MYCBP: variants seen among roughly 807,000 people sequenced by gnomAD.
MYCBP encodes the protein MYC binding protein, also known as C-Myc-binding protein.
MYCBP carries 5 observed loss-of-function variants against 16.8 expected under a neutral mutation model. The ratio of observed to expected loss-of-function variants is 0.30; its 90% CI spans 0.16 to 0.63. The LOEUF (loss-of-function observed/expected upper bound fraction) is 0.63. Ranked by LOEUF, MYCBP falls within the 20% of genes least tolerant of loss-of-function variation. The pLI, the probability that MYCBP is intolerant of heterozygous loss-of-function variation, is 0.83. For synonymous variants in MYCBP, 35 were observed against 43.7 expected (o/e 0.80, Z 0.79); for missense variants, 103 against 121.8 (o/e 0.85, Z 0.73).
At chr1:38,873,262 T>C in intron 1 of MYCBP, 29 bp downstream of exon 1, 1 of 1,598,996 alleles carries the variant, frequency 6.3e-7, no homozygotes, top group Non-Finnish European at 8.5e-7. Context: ...ACCGCCCGCA[T>C]GCCCCCAGCC....
rs906927157 is a variant in MYCBP, at chr1:38,870,343, G to A, written c.88+2675C>T. 2.0e-3 allele frequency among the ~76,000 whole-genome samples: 301 copies of A among 151,736 alleles called. 3 individuals carry two copies. The highest frequency in any genetic ancestry group is 6.5e-3 in the African/African-American group (269 of 41,386). On this transcript the variant is annotated intron_variant, in intron 2 of 4. Coordinates refer to ENST00000397572, the MANE Select transcript of MYCBP (RefSeq NM_012333.5). ...GTCTGGGCGACAGAGACCTTGTCTC[G>A]AAAAAATATATATATGTAAATTAAA... is the stretch of plus-strand genomic sequence containing the variant.
upstream of MYCBP, chr1:38,873,351 C>T (rs576865782): frequency 1.3e-6 from 2 of 1,590,596 alleles, no homozygotes; most frequent in Non-Finnish European, 1.7e-6. Context: ...CCGCGACTGG[C>T]GGGTTGGGAG....
At position 38,873,000 on chromosome 1, in the gene MYCBP, C is replaced by G; in HGVS notation, c.88+18G>C. 6.4e-7 allele frequency: 1 copy of G among 1,565,404 alleles called. No individual in the cohort carries two copies. The highest frequency in any genetic ancestry group is 8.7e-7 in the Non-Finnish European group (1 of 1,155,100). On this transcript the variant is annotated intron_variant, in intron 2 of 4. Transcript: ENST00000397572. ...GCACGACGAGGGCACGAGGTACCCT[C>G]TCCTAGCCCAGGCTCACCCTTGGTC...
intron 2 of MYCBP, among the ~76,000 whole-genome samples, chr1:38,869,598 C>G (rs1055266890): frequency 2.6e-5 from 4 of 152,160 alleles, no homozygotes; most frequent in Non-Finnish European, 4.4e-5. Context: ...CAATCATGCT[C>G]CCCTTTTTGC....
intron 2 of MYCBP, among the ~76,000 whole-genome samples, chr1:38,869,996 G>A (rs946766761): frequency 1.7e-4 from 26 of 151,780 alleles, no homozygotes; most frequent in Admixed American, 7.2e-4. Context: ...GTGAAACCCC[G>A]TCTCTACTAA....
intron 2 of MYCBP, among the ~76,000 whole-genome samples, chr1:38,871,427 C>CT (rs71573793): frequency 0.17 from 18,569 of 110,424 alleles, 2,307 homozygotes; most frequent in Non-Finnish European, 0.22. Flanking sequence ...CCACCTGTCA[C>CT]TTTTTTTTTT....
chr1:38,871,881 C>T (rs2124266241), intron 2 of MYCBP, among the ~76,000 whole-genome samples: 1 of 152,208 alleles, frequency 6.6e-6, no homozygotes, highest in South Asian at 2.1e-4. Flanking sequence ...AGAACAGACA[C>T]CTGAGTAAAA....
rs773823299 is a variant in MYCBP, at chr1:38,873,276, C to G, written c.15+15G>C. ...TACCGCCCGCATGCCCCCAGCCACG[C>G]CGCGCCCCCCTCACTTTGTAATGGG... On this transcript the variant is annotated intron_variant, in intron 1 of 4. Transcript: ENST00000397572. 1 of 1,600,584 alleles carries G rather than the reference C, an allele frequency of 6.2e-7. No individual in the cohort carries two copies. Among genetic ancestry groups the G allele is most frequent in the East Asian group, 2.2e-5 (1 of 44,744 alleles).
intron 4 of MYCBP, among the ~76,000 whole-genome samples, chr1:38,865,546 T>G (rs1157661541): frequency 6.6e-6 from 1 of 152,170 alleles, no homozygotes; most frequent in African/African-American, 2.4e-5. Context: ...CTCATGCCTA[T>G]AATCCCAACA....
At chr1:38,866,775 G>T in intron 4 of MYCBP, 105 bp downstream of exon 4, 2 of 940,594 alleles carry the variant, frequency 2.1e-6, no homozygotes, top group East Asian at 5.5e-5. Context: ...AATTCAAATT[G>T]ATATTCACCC....
chr1:38,868,593 C>CA (rs1642386503), intron 2 of MYCBP, among the ~76,000 whole-genome samples: 1 of 151,842 alleles, frequency 6.6e-6, no homozygotes, highest in Non-Finnish European at 1.5e-5. Flanking sequence ...CTAATAAAAG[C>CA]AAAAAAAGTA....
intron 2 of MYCBP, among the ~76,000 whole-genome samples, chr1:38,870,853 A>G (rs1642449474): frequency 1.4e-5 from 2 of 147,604 alleles, no homozygotes; most frequent in Admixed American, 1.4e-4. Context: ...TAAAGCACCT[A>G]TGTTTGGAGC....
chr1:38,871,505 C>G (rs1423986300), intron 2 of MYCBP, among the ~76,000 whole-genome samples: 3 of 148,232 alleles, frequency 2.0e-5, no homozygotes, highest in Non-Finnish European at 4.4e-5. Context: ...CAGCCTTGAC[C>G]TCCTGGGCTC....
At chr1:38,873,256 C>A in intron 1 of MYCBP, 35 bp downstream of exon 1, 1 of 1,597,968 alleles carries the variant, frequency 6.3e-7, no homozygotes, top group South Asian at 1.1e-5. Flanking sequence ...CTTGCTACCG[C>A]CCGCATGCCC....
Position 38,862,607 on chromosome 1 carries a change from G to A in MYCBP, c.*2063C>T, listed in dbSNP as rs1263348924. 6.6e-6 allele frequency among the ~76,000 whole-genome samples: 1 copy of A among 152,172 alleles called. No homozygotes were observed. The highest frequency in any genetic ancestry group is 1.5e-5 in the Non-Finnish European group (1 of 68,030). ...GAAGCATAATAGGAGCTTAACTGGT[G>A]GGATCCATTTATCCATTTTCTCTTC... On this transcript the variant is annotated 3_prime_UTR_variant, in exon 5 of 5. Transcript: ENST00000397572.
At chr1:38,871,310 G>T in intron 2 of MYCBP, among the ~76,000 whole-genome samples, 1 of 132,316 alleles carries the variant, frequency 7.6e-6, no homozygotes, top group East Asian at 2.1e-4. Context: ...AACCACTCTG[G>T]CCTCCTTAGA....
chr1:38,873,204 C>G, intron 1 of MYCBP, 87 bp downstream of exon 1: 7 of 1,570,052 alleles, frequency 4.5e-6, no homozygotes, highest in South Asian at 1.2e-5. Flanking sequence ...CCCGCCCAAA[C>G]CTGCGCGCGC....
chr1:38,867,058 G>A (rs1396833210), intron 3 of MYCBP, 49 bp from the exon 4 acceptor site: 5 of 1,528,124 alleles, frequency 3.3e-6, no homozygotes, highest in Admixed American at 1.7e-5. Context: ...TGAAACTAAT[G>A]AAATAGCACA....
At position 38,863,410 on chromosome 1, in the gene MYCBP, GAC is replaced by G. The variant is rs143986736; in HGVS notation, c.*1258_*1259del. 6.6e-6 allele frequency: 1 copy of G among 152,292 alleles called. No individual in the cohort carries two copies. The highest frequency in any genetic ancestry group is 1.9e-4 in the East Asian group (1 of 5,186). The allele number at this position is 152,292 out of a possible 1,614,324, so 9.4% of individuals were successfully genotyped here. ...TGAAATAGGAATATGTCTATAAAAC[GAC>G]AGTCTACCAGTAAGGAAAATAAGTG... On this transcript the variant is annotated 3_prime_UTR_variant, in exon 5 of 5. Transcript: ENST00000397572.
Sources: allele counts gnomAD v4.1 joint callset (sites outside exome capture counted in the v4.1 genomes callset), GRCh38; gene constraint gnomAD v4.1.1; transcripts MANE v1.5; gene names NCBI Gene and HGNC (gene_info 2026-07-23, HGNC 2026-07-21).